The following LIMS1 variants were observed in gnomAD, a reference collection of about 807,000 sequenced individuals.
LIMS1 encodes LIM and senescent cell antigen-like-containing domain protein 1.
LIMS1 carries 18 observed loss-of-function variants against 44.1 expected under a neutral mutation model. The observed-to-expected ratio is 0.41, with a 90% CI of 0.28 to 0.61. LIMS1 has a LOEUF of 0.61. Ranked by LOEUF, LIMS1 falls within the 20% of genes least tolerant of loss-of-function variation. The probability of loss-of-function intolerance (pLI) is 0.32; values close to 1 mark genes in which losing one functional copy is unlikely to be tolerated. For missense variants in LIMS1, 201 were observed against 422.0 expected, an observed-to-expected ratio of 0.48 and a Z score of 4.59; for synonymous variants, 93 against 149.1, an observed-to-expected ratio of 0.62 and a Z score of 2.74.
chr2:108,588,192 TA>T (rs1230417192), intron 1 of LIMS1: 1 of 233,944 alleles, frequency 4.3e-6, no homozygotes, highest in African/African-American at 2.3e-5. Context: ...TTATGACATT[TA>T]GGGGTGTTGT....
At chr2:108,626,509 A>AC (rs746593937) in intron 1 of LIMS1, among the ~76,000 whole-genome samples, 1 of 151,982 alleles carries the variant, frequency 6.6e-6, no homozygotes, top group Non-Finnish European at 1.5e-5. Context: ...GGTTTTACAG[A>AC]CCCCCTCTTC....
chr2:108,606,661 A>G (rs888614406), intron 1 of LIMS1, among the ~76,000 whole-genome samples: 1 of 152,236 alleles, frequency 6.6e-6, no homozygotes. Context: ...ACAACACACA[A>G]TACAGCAAGT....
At chr2:108,545,760 C>T (rs956276089) in intron 1 of LIMS1, among the ~76,000 whole-genome samples, 4 of 152,176 alleles carry the variant, frequency 2.6e-5, no homozygotes, top group Admixed American at 1.3e-4. Flanking sequence ...GATTCAGATG[C>T]ACCTCTTTCA....
intron 1 of LIMS1, among the ~76,000 whole-genome samples, chr2:108,619,235 T>A (rs1345604571): frequency 6.6e-6 from 1 of 152,202 alleles, no homozygotes; most frequent in African/African-American, 2.4e-5. Context: ...TGGAGACAGG[T>A]CATATTTAAT....
chr2:108,621,598 A>G, intron 1 of LIMS1: 1 of 674,530 alleles, frequency 1.5e-6, no homozygotes, highest in Non-Finnish European at 2.7e-6. Flanking sequence ...TAAAAACTGA[A>G]CACAATATCA....
At chr2:108,663,638 G>A (rs1294100440) in intron 2 of LIMS1, among the ~76,000 whole-genome samples, 1 of 152,098 alleles carries the variant, frequency 6.6e-6, no homozygotes, top group Non-Finnish European at 1.5e-5. Context: ...TCAGGGCTGG[G>A]TTCTTTGTTG....
intron 1 of LIMS1, among the ~76,000 whole-genome samples, chr2:108,560,753 C>T (rs941027450): frequency 6.6e-6 from 1 of 152,116 alleles, no homozygotes; most frequent in Non-Finnish European, 1.5e-5. Flanking sequence ...ATAAGCCTCA[C>T]CATGGCAAGA....
At chr2:108,546,200 A>G (rs1684475089) in intron 1 of LIMS1, among the ~76,000 whole-genome samples, 1 of 150,626 alleles carries the variant, frequency 6.6e-6, no homozygotes, top group African/African-American at 2.4e-5. Context: ...ACAGAGTACT[A>G]AATTAGGGTT....
At chr2:108,601,694 T>G (rs1380733829) in intron 1 of LIMS1, among the ~76,000 whole-genome samples, 1 of 152,208 alleles carries the variant, frequency 6.6e-6, no homozygotes, top group Non-Finnish European at 1.5e-5. Context: ...TTTTTGTATT[T>G]TTGGTAGAGA....
chr2:108,566,971 A>G (rs182329955), intron 1 of LIMS1, among the ~76,000 whole-genome samples: 10 of 152,282 alleles, frequency 6.6e-5, no homozygotes, highest in Admixed American at 4.6e-4. Flanking sequence ...GCTCTCCAGA[A>G]CTTTTTCATC....
chr2:108,670,339 A>G (rs1201051455), intron 2 of LIMS1, among the ~76,000 whole-genome samples: 1 of 149,592 alleles, frequency 6.7e-6, no homozygotes. Flanking sequence ...ATAAAATACA[A>G]TGTGCTAAAA....
intron 1 of LIMS1, among the ~76,000 whole-genome samples, chr2:108,567,767 T>A (rs1232417784): frequency 6.6e-6 from 1 of 152,168 alleles, no homozygotes; most frequent in East Asian, 1.9e-4. Context: ...AGGCGGGGTT[T>A]CTCCATGCCG....
chr2:108,670,088 C>CTTG, intron 2 of LIMS1, among the ~76,000 whole-genome samples: 1 of 151,866 alleles, frequency 6.6e-6, no homozygotes. Context: ...CAAAAATATA[C>CTTG]TAGGATAAAA....
At chr2:108,534,889 A>C (rs1045390992) in intron 1 of LIMS1, among the ~76,000 whole-genome samples, 3 of 152,202 alleles carry the variant, frequency 2.0e-5, no homozygotes, top group Non-Finnish European at 2.9e-5. Context: ...CTAATCATTT[A>C]TCTTCTAGCA....
chr2:108,594,223 C>T (rs1686549118), intron 1 of LIMS1, among the ~76,000 whole-genome samples: 1 of 152,120 alleles, frequency 6.6e-6, no homozygotes, highest in Non-Finnish European at 1.5e-5. Flanking sequence ...ACCACAGACC[C>T]CTGCCCTCTA....
chr2:108,610,615 A>G (rs1018927684), intron 1 of LIMS1, among the ~76,000 whole-genome samples: 36 of 152,092 alleles, frequency 2.4e-4, no homozygotes, highest in Non-Finnish European at 7.4e-5. Flanking sequence ...ATTCTTTATC[A>G]CCATCCAGTA....
chr2:108,624,817 G>A (rs1309861491), intron 1 of LIMS1, among the ~76,000 whole-genome samples: 2 of 152,034 alleles, frequency 1.3e-5, no homozygotes, highest in Admixed American at 1.3e-4. Context: ...GGTGGCTCAC[G>A]CCTATAATCC....
At chr2:108,656,542 G>C (rs1203646477) in intron 1 of LIMS1, among the ~76,000 whole-genome samples, 1 of 152,126 alleles carries the variant, frequency 6.6e-6, no homozygotes, top group African/African-American at 2.4e-5. Flanking sequence ...AACAGGCATT[G>C]TGCCAGAGGG....
At chr2:108,631,926 T>G (rs543528738) in intron 1 of LIMS1, among the ~76,000 whole-genome samples, 1 of 152,308 alleles carries the variant, frequency 6.6e-6, no homozygotes, top group East Asian at 1.9e-4. Flanking sequence ...CCTTCACATT[T>G]GGAACCGCTT....
Sources: gnomAD v4.1 joint callset for allele counts (sites outside exome capture counted in the v4.1 genomes callset) on GRCh38, gnomAD v4.1.1 for gene constraint, MANE v1.5 for transcripts, NCBI Gene and HGNC (gene_info 2026-07-23, HGNC 2026-07-21) for gene names.